SAGE1: variants seen among roughly 807,000 people sequenced by gnomAD.
SAGE1 encodes the protein cancer/testis antigen 14.
A neutral mutation model predicts 55.4 loss-of-function variants in SAGE1; 55 were observed. The ratio of observed to expected loss-of-function variants is 0.99; its 90% CI spans 0.80 to 1.24. The LOEUF is 1.24. Among genes scored for constraint, SAGE1 ranks in the 50% most tolerant of loss-of-function variants. The pLI is 0.00. For synonymous variants in SAGE1, 240 were observed against 244.3 expected, an observed-to-expected ratio of 0.98 and a Z score of 0.17; for missense variants, 710 against 704.4, an observed-to-expected ratio of 1.01 and a Z score of -0.09.
intron 1 of SAGE1, among the ~76,000 whole-genome samples, chrX:135,894,810 G>A (rs1484340687): frequency 9.0e-6 from 1 of 110,839 alleles, no homozygotes; most frequent in African/African-American, 3.3e-5. Flanking sequence ...CAGTCATTTC[G>A]ACCAGTTAAC....
chrX:135,904,584 G>T lies in SAGE1; in HGVS notation c.313+15G>T. On this transcript the variant is annotated intron_variant, in intron 4 of 19. Coordinates refer to ENST00000370709, the MANE Select transcript of SAGE1 (RefSeq NM_001381902.1). ...ACCATGGCCTGGTAATATGGCAGCA[G>T]CAGGAATTTCATCCATGAGTATGAA... 2.8e-6 allele frequency: 3 copies of T among 1,069,812 alleles called. No homozygotes were observed. The highest frequency in any genetic ancestry group is 3.9e-6 in the Non-Finnish European group (3 of 772,886). The allele number at this position is 1,069,812 out of a possible 1,213,427, so 88.2% of individuals were successfully genotyped here.
chrX:135,898,544 C>T (rs1180278753), intron 2 of SAGE1, among the ~76,000 whole-genome samples: 1 of 111,579 alleles, frequency 9.0e-6, no homozygotes, highest in Non-Finnish European at 1.9e-5. Context: ...ATATTTCTGC[C>T]TCTAGATCTT....
chrX:135,905,285 G>C lies in SAGE1; in HGVS notation c.347G>C (p.Arg116Thr), dbSNP rs2148084832. 2 of 1,209,266 alleles carry C rather than the reference G, an allele frequency of 1.7e-6. No individual in the cohort carries two copies. The highest frequency in any genetic ancestry group is 5.9e-5 in the East Asian group (2 of 33,802). ...ATCGCTCACAATATCCGTGAAGAGA[G>C]GATGGAAAATGGCCAATCTCGAACT... ...ATIAHNIREE[R>T]MENGQSRTDK... The change falls in exon 5 of 20, where the codon AGG becomes ACG. Residue 116 changes from arginine to threonine, a missense_variant. Arg to Thr is a moderately conservative substitution (Grantham distance 71, BLOSUM62 -1). Coordinates refer to ENST00000370709, the MANE Select transcript of SAGE1 (RefSeq NM_001381902.1).
Position 135,911,691 on chromosome X carries a change from T to C in SAGE1, c.2259T>C (p.His753=). ...DSPELINMTG[H]CMPPNALDSF... Reference sequence around the variant, plus strand: ...CAGAGCTGATAAATATGACAGGACATTGTATGCCACCCAATGCATTGGATT... The same window carrying C: ...CAGAGCTGATAAATATGACAGGACACTGTATGCCACCCAATGCATTGGATT... Residue 753 remains histidine (H), a synonymous_variant, in exon 18 of 20, where the codon CAT becomes CAC. Transcript: ENST00000370709. 8.3e-7 allele frequency: 1 copy of C among 1,208,054 alleles called. No individual in the cohort carries two copies. Among genetic ancestry groups the C allele is most frequent in the South Asian group, 1.8e-5 (1 of 56,904 alleles).
Position 135,913,020 on chromosome X carries a change from G to A in SAGE1, c.*123G>A. The A allele has an allele frequency of 2.1e-6, 1 of 477,576 alleles. No homozygotes were observed. The highest frequency in any genetic ancestry group is 3.8e-5 in the East Asian group (1 of 26,293). The allele number at this position is 477,576 out of a possible 1,213,427, so 39.4% of individuals were successfully genotyped here. A position where few individuals can be genotyped will look rare whatever the true frequency, so the allele number is the denominator to read the frequency against. ...TCCCTTCCAGAAGCTACGAAAAAGG[G>A]AGCTGTTTAAATTTAATAAATCTCT... On this transcript the variant is annotated 3_prime_UTR_variant, in exon 20 of 20. Coordinates refer to ENST00000370709, the MANE Select transcript of SAGE1 (RefSeq NM_001381902.1).
In SAGE1 at chrX:135,912,421, G is replaced by A; in HGVS notation, c.2615+7G>A. 8.3e-7 allele frequency: 1 copy of A among 1,200,451 alleles called. No individual in the cohort carries two copies. The highest frequency in any genetic ancestry group is 3.0e-5 in the East Asian group (1 of 33,766). ...CCATCAAGGAAGCAGCAAGGTGAGT[G>A]CAAAAAGGAACTGTGCTATTGTTTT... On this transcript the variant is annotated splice_region_variant and intron_variant, in intron 19 of 19. Coordinates refer to ENST00000370709, the MANE Select transcript of SAGE1 (RefSeq NM_001381902.1).
intron 16 of SAGE1, 48 bp from the exon 17 acceptor site, chrX:135,911,144 G>A: frequency 8.4e-7 from 1 of 1,184,284 alleles, no homozygotes; most frequent in African/African-American, 1.7e-5. Flanking sequence ...CTGTGGGGTT[G>A]TCATTATGCA....
intron 5 of SAGE1, 62 bp from the exon 6 acceptor site, chrX:135,905,962 A>G (rs2088778251): frequency 1.0e-6 from 1 of 988,211 alleles, no homozygotes; most frequent in African/African-American, 1.9e-5. Context: ...TCAGAGGGAT[A>G]TACCTGTGGC....
intron 3 of SAGE1, among the ~76,000 whole-genome samples, chrX:135,902,897 T>A (rs1362480851): frequency 8.9e-6 from 1 of 111,996 alleles, no homozygotes; most frequent in Non-Finnish European, 1.9e-5. Context: ...TTCTTAGCTC[T>A]GTGTTTCTAA....
chrX:135,904,449 C>A (rs782324875), intron 3 of SAGE1, 28 bp from the exon 4 acceptor site: 22 of 1,075,052 alleles, frequency 2.0e-5, no homozygotes, highest in Admixed American at 4.5e-5. Flanking sequence ...ACTTACCTCA[C>A]AGCTCAACCA....
At chrX:135,912,470 C>G (rs2088915894) in intron 19 of SAGE1, 56 bp downstream of exon 19, 1 of 1,186,331 alleles carries the variant, frequency 8.4e-7, no homozygotes, top group Non-Finnish European at 1.1e-6. Flanking sequence ...CAATTTGGGA[C>G]AGGGGCAGGA....
At chrX:135,898,605 A>G (rs1262435703) in intron 2 of SAGE1, among the ~76,000 whole-genome samples, 2 of 112,002 alleles carry the variant, frequency 1.8e-5, no homozygotes, top group Non-Finnish European at 3.8e-5. Flanking sequence ...TTACACTCCC[A>G]CCAACAGTGT....
chrX:135,908,508 A>G lies in SAGE1; in HGVS notation c.1332A>G (p.Ala444=). The stretch of plus-strand genomic sequence containing the variant: ...CCGTCAATCACCATGTCCATGAAGC[A>G]AGGATGGAAAATGGCCAACGAAAAC... ...YATVNHHVHE[A]RMENGQRKQD... Residue 444 remains alanine, a synonymous_variant, in exon 12 of 20, where the codon GCA becomes GCG. Coordinates refer to ENST00000370709, the MANE Select transcript of SAGE1 (RefSeq NM_001381902.1). 1.7e-6 allele frequency: 2 copies of G among 1,207,307 alleles called. No homozygotes were observed. The highest frequency in any genetic ancestry group is 2.2e-6 in the Non-Finnish European group (2 of 893,734).
At chrX:135,905,581 T>C (rs1429708469) in intron 5 of SAGE1, among the ~76,000 whole-genome samples, 189 bp downstream of exon 5, 1 of 112,438 alleles carries the variant, frequency 8.9e-6, no homozygotes, top group Non-Finnish European at 1.9e-5. Context: ...CAGAGGGATA[T>C]ACCTGTTGGG....
chrX:135,896,361 T>A, intron 2 of SAGE1, 32 bp downstream of exon 2: 1 of 938,030 alleles, frequency 1.1e-6, no homozygotes, highest in Non-Finnish European at 1.5e-6. Flanking sequence ...CTGCCCTAAT[T>A]GTGACATTCT....
intron 3 of SAGE1, among the ~76,000 whole-genome samples, chrX:135,903,383 C>T (rs2088716267): frequency 8.9e-6 from 1 of 112,636 alleles, no homozygotes; most frequent in South Asian, 3.7e-4. Context: ...TTCATTTGCT[C>T]ATTGTGCATG....
At chrX:135,902,796 T>C (rs1188157761) in intron 3 of SAGE1, among the ~76,000 whole-genome samples, 1 of 111,976 alleles carries the variant, frequency 8.9e-6, no homozygotes, top group African/African-American at 3.2e-5. Context: ...AGTCCAGCAG[T>C]AGATGCCCAG....
At chrX:135,897,732 A>G (rs1226229392) in intron 2 of SAGE1, among the ~76,000 whole-genome samples, 1 of 111,264 alleles carries the variant, frequency 9.0e-6, no homozygotes, top group Non-Finnish European at 1.9e-5. Context: ...TACATAGGTA[A>G]ACGTGTGGCA....
At chrX:135,898,166 C>T (rs1327143225) in intron 2 of SAGE1, among the ~76,000 whole-genome samples, 4 of 111,166 alleles carry the variant, frequency 3.6e-5, no homozygotes, top group Non-Finnish European at 7.6e-5. Context: ...TGCAAGCGCC[C>T]GCCACCACAC....
Sources: allele counts gnomAD v4.1 joint callset (sites outside exome capture counted in the v4.1 genomes callset), GRCh38; gene constraint gnomAD v4.1.1; transcripts MANE v1.5; gene names NCBI Gene and HGNC (gene_info 2026-07-23, HGNC 2026-07-21).